Variants in NEK5 observed in about 807,000 individuals in gnomAD.
NEK5 encodes serine/threonine-protein kinase Nek5.
NEK5 carries 88 observed loss-of-function variants against 109.2 expected under a neutral mutation model. The observed-to-expected ratio is 0.81, with a 90% CI of 0.68 to 0.96. The LOEUF (loss-of-function observed/expected upper bound fraction) is 0.96, where lower values mean the gene tolerates loss of function less well. Among genes scored for constraint, NEK5 ranks in the 40% least tolerant of loss-of-function variants. The pLI is 0.00. For synonymous variants in NEK5, 283 were observed against 299.9 expected (o/e 0.94, Z 0.58); for missense variants, 834 against 920.7 (o/e 0.91, Z 1.22).
At chr13:52,093,880 A>G (rs1029702471) in intron 12 of NEK5, among the ~76,000 whole-genome samples, 7 of 152,174 alleles carry the variant, frequency 4.6e-5, no homozygotes, top group Non-Finnish European at 1.0e-4. Flanking sequence ...TTTTTCATAA[A>G]CTCATTTATA....
intron 4 of NEK5, among the ~76,000 whole-genome samples, chr13:52,119,010 T>C (rs906858128): frequency 5.9e-5 from 9 of 152,212 alleles, no homozygotes; most frequent in Admixed American, 5.9e-4. Context: ...GAAATAGATG[T>C]GTCTTATTGT....
intron 23 of NEK5, among the ~76,000 whole-genome samples, chr13:52,038,301 G>A (rs1008834217): frequency 3.3e-5 from 5 of 151,396 alleles, no homozygotes; most frequent in Non-Finnish European, 5.9e-5. Context: ...CAGCCTGGGA[G>A]ACAGAGCGAG....
chr13:52,088,987 A>T (rs890860698), intron 14 of NEK5, among the ~76,000 whole-genome samples: 5 of 152,030 alleles, frequency 3.3e-5, no homozygotes, highest in African/African-American at 1.2e-4. Context: ...GCTACTCAGG[A>T]GGCTGGGGAA....
In NEK5 at chr13:52,083,346, A is replaced by C. The variant is rs1372051696; in HGVS notation, c.1486T>G (p.Ser496Ala). 2 of 1,603,328 alleles carry C rather than the reference A, an allele frequency of 1.2e-6. No individual in the cohort carries two copies. The highest frequency in any genetic ancestry group is 2.7e-5 in the African/African-American group (2 of 74,708). Residue 496 changes from serine (S) to alanine (A), a missense_variant, in exon 17 of 24, where the codon TCA (serine) becomes GCA (alanine). Ser to Ala is a moderately conservative substitution (Grantham distance 99). Around this residue, in one of 2 missense-constraint regions of NEK5, gnomAD observed 777 missense variants for 824.7 expected, o/e 0.94. Coordinates refer to ENST00000684899, the MANE Select transcript of NEK5 (RefSeq NM_001365552.1). ...AAATAGGTTTTATGACTTATTTTTG[A>C]GTTCTCCTTTAACACAAATTATACA... is the stretch of plus-strand genomic sequence containing the variant. Reference protein sequence around the residue: ...KKMGREPEENSKISHKTYLVK... With the variant: ...KKMGREPEENAKISHKTYLVK...
intron 21 of NEK5, among the ~76,000 whole-genome samples, chr13:52,064,192 CCG>C (rs1405384232): frequency 7.2e-6 from 1 of 138,554 alleles, no homozygotes; most frequent in Non-Finnish European, 1.6e-5. Context: ...GGTCAGCCCC[CCG>C]CCCGGCCAGC....
In NEK5 at chr13:52,079,818, C is replaced by T. The variant is rs1243934986; in HGVS notation, c.1572+3442G>A. Among the ~76,000 whole-genome samples, 5 of 149,022 alleles carry T rather than the reference C, an allele frequency of 3.4e-5. No homozygotes were observed. The East Asian group carries it at 8.0e-4, about 24-fold the overall frequency. On this transcript the variant is annotated intron_variant, in intron 17 of 23. Coordinates refer to ENST00000684899, the MANE Select transcript of NEK5 (RefSeq NM_001365552.1). ...GCTGCCCAGTCTGGAAAGTGAGGAG[C>T]GTCTCTGCCCCGCCGCCATCCCATC...
chr13:52,056,865 C>A (rs924843894), intron 22 of NEK5, among the ~76,000 whole-genome samples: 4 of 151,734 alleles, frequency 2.6e-5, no homozygotes, highest in African/African-American at 9.7e-5. Context: ...AAAATTGACA[C>A]CCTAACATCA....
At chr13:52,126,265 T>C (rs969154892) in intron 3 of NEK5, among the ~76,000 whole-genome samples, 1 of 152,220 alleles carries the variant, frequency 6.6e-6, no homozygotes, top group African/African-American at 2.4e-5. Context: ...AAGGTGGATT[T>C]AGCAAAAATT....
chr13:52,045,503 C>A (rs1174443521), intron 23 of NEK5, among the ~76,000 whole-genome samples: 1 of 150,556 alleles, frequency 6.6e-6, no homozygotes, highest in African/African-American at 2.4e-5. Context: ...CGGTGGCGCA[C>A]GCCTGTAATC....
At chr13:52,080,215 G>C (rs1272768421) in intron 17 of NEK5, among the ~76,000 whole-genome samples, 4 of 109,674 alleles carry the variant, frequency 3.6e-5, no homozygotes, top group Middle Eastern at 5.1e-3. Context: ...GGAGGGAGGT[G>C]GGGGGGGGTC....
intron 23 of NEK5, among the ~76,000 whole-genome samples, chr13:52,044,440 T>C (rs571717271): frequency 6.6e-6 from 1 of 152,270 alleles, no homozygotes; most frequent in Non-Finnish European, 1.5e-5. Flanking sequence ...TAGGTTCACA[T>C]ACAGAATATA....
intron 8 of NEK5, among the ~76,000 whole-genome samples, chr13:52,106,428 G>A (rs572791947): frequency 1.3e-4 from 20 of 152,130 alleles, no homozygotes; most frequent in Middle Eastern, 6.8e-3. Flanking sequence ...CTCCTTATAG[G>A]AAGCAAAAGC....
intron 19 of NEK5, among the ~76,000 whole-genome samples, chr13:52,074,391 C>T (rs1320435045): frequency 6.6e-6 from 1 of 152,110 alleles, no homozygotes; most frequent in Non-Finnish European, 1.5e-5. Context: ...AAAGGACTTC[C>T]TATCCAATAA....
chr13:52,043,260 C>T (rs937190841), intron 23 of NEK5, among the ~76,000 whole-genome samples: 1 of 151,572 alleles, frequency 6.6e-6, no homozygotes, highest in Admixed American at 6.6e-5. Context: ...TGATTAAGGC[C>T]GGGTACAGTG....
Position 52,114,366 on chromosome 13 carries a change from T to C in NEK5, c.215-2001A>G, listed in dbSNP as rs561938859. 8.5e-5 allele frequency among the ~76,000 whole-genome samples: 13 copies of C among 152,380 alleles called. No individual in the cohort carries two copies. In the South Asian group the frequency reaches 2.7e-3, roughly 32 times the overall value. On this transcript the variant is annotated intron_variant, in intron 4 of 23. Transcript: ENST00000684899. ...CTCTTGCCAAATATCTATCTTTTGC[T>C]ATCCTACTCTTTAAAGTACCCTAAC...
intron 12 of NEK5, 58 bp downstream of exon 12, chr13:52,099,685 C>G: frequency 1.3e-6 from 2 of 1,569,904 alleles, no homozygotes; most frequent in East Asian, 2.3e-5. Flanking sequence ...AACAAACAAA[C>G]AAACAAAAAG....
chr13:52,116,160 A>G (rs980597207), intron 4 of NEK5, among the ~76,000 whole-genome samples: 39 of 143,950 alleles, frequency 2.7e-4, no homozygotes, highest in Non-Finnish European at 5.5e-4. Context: ...CAGCCTGGGC[A>G]ACAGAGTAAG....
chr13:52,082,313 C>T, intron 17 of NEK5: 2 of 997,486 alleles, frequency 2.0e-6, no homozygotes, highest in South Asian at 1.5e-5. Context: ...GAAATTCCAT[C>T]TAAAAAAAAA....
intron 4 of NEK5, among the ~76,000 whole-genome samples, chr13:52,113,574 G>A (rs535698508): frequency 2.0e-5 from 3 of 151,554 alleles, no homozygotes; most frequent in South Asian, 2.1e-4. Flanking sequence ...CACTTGCTCC[G>A]TATTAAAGAA....
Sources: allele counts gnomAD v4.1 joint callset (sites outside exome capture counted in the v4.1 genomes callset), GRCh38; gene constraint gnomAD v4.1.1; regional missense constraint gnomAD v4.1.1; transcripts MANE v1.5; gene names NCBI Gene and HGNC (gene_info 2026-07-23, HGNC 2026-07-21).